ZNF326: variants seen among roughly 807,000 people sequenced by gnomAD.
ZNF326 encodes DBIRD complex subunit ZNF326.
Under a neutral mutation model 63.1 loss-of-function variants are expected in ZNF326, and 30 were observed. That is an observed-to-expected ratio of 0.48 (90% CI 0.36 to 0.64). The LOEUF is 0.64. Among genes scored for constraint, ZNF326 ranks in the 30% least tolerant of loss-of-function variants. The probability of loss-of-function intolerance (pLI) is 0.00; values close to 1 mark genes in which losing one functional copy is unlikely to be tolerated. For missense variants in ZNF326, 609 were observed against 720.3 expected, an observed-to-expected ratio of 0.85 and a Z score of 1.77; for synonymous variants, 194 against 228.2, an observed-to-expected ratio of 0.85 and a Z score of 1.35.
rs761483271 is a variant in ZNF326 at position 89,995,238 on chromosome 1, G to T, written c.-20G>T. ...AGCTCAGCCTAGCGCCGCCAAGGCC[G>T]ACGGCCCTCAGCCTCTGCCATGGAC... On this transcript the variant is annotated 5_prime_UTR_variant, in exon 1 of 12. Coordinates refer to ENST00000340281, the MANE Select transcript of ZNF326 (RefSeq NM_182976.4). 1.9e-6 allele frequency: 3 copies of T among 1,547,542 alleles called. No individual in the cohort carries two copies. Among genetic ancestry groups the T allele is most frequent in the South Asian group, 1.2e-5 (1 of 83,708 alleles).
intron 2 of ZNF326, among the ~76,000 whole-genome samples, chr1:89,998,911 G>T (rs1003584710): frequency 5.9e-5 from 9 of 152,154 alleles, no homozygotes; most frequent in African/African-American, 2.2e-4. Flanking sequence ...TGAAGCAAAT[G>T]TATACTAAAG....
intron 2 of ZNF326, 127 bp from the exon 3 acceptor site, chr1:90,004,876 T>G (rs1648895917): frequency 1.7e-6 from 1 of 593,924 alleles, no homozygotes; most frequent in East Asian, 3.1e-5. Context: ...GCATTTAGTG[T>G]GAATTTAGTT....
rs778878971 is a variant in ZNF326, at chr1:90,020,808, T to A, written c.1191T>A (p.Asp397Glu). 1 of 1,611,080 alleles carries A rather than the reference T, an allele frequency of 6.2e-7. No homozygotes were observed. Among genetic ancestry groups the A allele is most frequent in the Non-Finnish European group, 8.5e-7 (1 of 1,178,618 alleles). The stretch of plus-strand genomic sequence containing the variant: ...CTTTTGTAGGTGTTACTGTAGATGA[T>A]CACATGATGAAGGTAGAGACAGTTC... ...KDVMEGVTVD[D>E]HMMKVETVHC... The change falls in exon 10 of 12, where the codon GAT (aspartate) becomes GAA (glutamate). Residue 397 changes from aspartate (D) to glutamate (E), a missense_variant. By Grantham distance (45) the Asp-to-Glu change is conservative (BLOSUM62 2). Around this residue, in one of 3 missense-constraint regions of ZNF326, gnomAD observed 399 missense variants for 444.3 expected, o/e 0.90. Transcript: ENST00000340281.
In ZNF326 at chr1:90,033,704, T is replaced by C. The variant is rs17130946; in HGVS notation, c.*6003T>C. 672 of 152,188 alleles carry C rather than the reference T, an allele frequency of 4.4e-3. 5 individuals carry two copies. The highest frequency in any genetic ancestry group is 0.016 in the African/African-American group (646 of 41,542). The allele number at this position is 152,188 out of a possible 1,614,324, so 9.4% of individuals were successfully genotyped here. ...AAGAAAAGATAAAAAAGATGGAAGTTACAGTAAAAGACATAGATGTATCTC... is the reference window on the plus strand; with the variant it reads ...AAGAAAAGATAAAAAAGATGGAAGTCACAGTAAAAGACATAGATGTATCTC... On this transcript the variant is annotated 3_prime_UTR_variant, in exon 12 of 12. Coordinates refer to ENST00000340281, the MANE Select transcript of ZNF326 (RefSeq NM_182976.4).
intron 2 of ZNF326, among the ~76,000 whole-genome samples, chr1:90,000,764 G>A (rs1648637836): frequency 6.6e-6 from 1 of 152,198 alleles, no homozygotes. Context: ...TTAGAGTGGT[G>A]AGGTGGAGCC....
At chr1:90,010,987 T>C (rs1040457921) in intron 6 of ZNF326, among the ~76,000 whole-genome samples, 1 of 152,182 alleles carries the variant, frequency 6.6e-6, no homozygotes, top group South Asian at 2.1e-4. Context: ...TAGACTGTTA[T>C]GTATCAAATT....
chr1:90,002,096 T>C (rs1648713435), intron 2 of ZNF326, among the ~76,000 whole-genome samples: 1 of 152,192 alleles, frequency 6.6e-6, no homozygotes, highest in Non-Finnish European at 1.5e-5. Context: ...TTCATTTTGG[T>C]GACCTGGAAG....
At chr1:90,015,807 A>G (rs1174267714) in intron 7 of ZNF326, among the ~76,000 whole-genome samples, 3 of 152,346 alleles carry the variant, frequency 2.0e-5, no homozygotes, top group South Asian at 2.1e-4. Flanking sequence ...GGTAGAGGCC[A>G]TGGCTTGCCA....
intron 1 of ZNF326, among the ~76,000 whole-genome samples, 191 bp from the exon 2 acceptor site, chr1:89,997,919 A>T (rs368027821): frequency 8.5e-5 from 13 of 152,228 alleles, no homozygotes; most frequent in Admixed American, 2.0e-4. Context: ...TTGGGGAGAT[A>T]GTGAAGAAAA....
chr1:90,000,470 A>G (rs558428579), intron 2 of ZNF326, among the ~76,000 whole-genome samples: 1 of 152,288 alleles, frequency 6.6e-6, no homozygotes, highest in African/African-American at 2.4e-5. Context: ...AGCCTGAGGT[A>G]GGAGCACTGC....
chr1:90,014,989 GAT>G (rs1649433345), intron 7 of ZNF326, among the ~76,000 whole-genome samples: 2 of 152,068 alleles, frequency 1.3e-5, no homozygotes. Context: ...ATAAAATTGT[GAT>G]ATAGAGAAAA....
chr1:90,005,219 C>T lies in ZNF326; in HGVS notation c.184C>T (p.His62Tyr). The change falls in exon 4 of 12, where the codon CAC becomes TAC. Residue 62 changes from histidine (H) to tyrosine (Y), a missense_variant. Around this residue, in one of 3 missense-constraint regions of ZNF326, gnomAD observed 97 missense variants for 88.7 expected, o/e 1.09. Coordinates refer to ENST00000340281, the MANE Select transcript of ZNF326 (RefSeq NM_182976.4). ...YLNQSYGMDN[H>Y]SGGGGGSRFG... is the part of the protein sequence containing the mutation. ...AAACCAGTCATATGGCATGGACAAT[C>T]ACAGTGGTGGTGGTGGGGGTAGCAG... is the stretch of plus-strand genomic sequence containing the variant. 1 of 1,613,848 alleles carries T rather than the reference C, an allele frequency of 6.2e-7. No individual in the cohort carries two copies. The highest frequency in any genetic ancestry group is 1.1e-5 in the South Asian group (1 of 91,040).
chr1:90,013,385 T>TGGA, intron 7 of ZNF326, 148 bp downstream of exon 7: 1 of 598,434 alleles, frequency 1.7e-6, no homozygotes, highest in Non-Finnish European at 2.7e-6. Flanking sequence ...GTTTTTGATA[T>TGGA]TTATATGTAA....
At chr1:89,998,078 C>G (rs769285401) in intron 1 of ZNF326, 32 bp from the exon 2 acceptor site, 2 of 1,593,836 alleles carry the variant, frequency 1.3e-6, no homozygotes, top group Admixed American at 3.4e-5. Context: ...TAATATCACA[C>G]TAATTCCTTT....
rs1006462479 is a variant in ZNF326 at position 90,028,222 on chromosome 1, G to A, written c.*521G>A. 3 of 153,260 alleles carry A rather than the reference G, an allele frequency of 2.0e-5. No homozygotes were observed. The highest frequency in any genetic ancestry group is 7.2e-5 in the African/African-American group (3 of 41,386). The allele number at this position is 153,260 out of a possible 1,614,324, so 9.5% of individuals were successfully genotyped here. A position where few individuals can be genotyped will look rare whatever the true frequency, so the allele number is the denominator to read the frequency against. On this transcript the variant is annotated 3_prime_UTR_variant, in exon 12 of 12. Transcript: ENST00000340281. ...TTTGTAGCAATAAAATGTTTTTTAC[G>A]AAAACTTTCTCCCTGGATTAGCAGT...
Position 90,033,261 on chromosome 1 carries a change from A to G in ZNF326, c.*5560A>G, listed in dbSNP as rs1650349771. ...TTGGGCCTTAAAGCCTACCCTTTAT[A>G]TAAAAAGTTTGTTGACTCCTAGGCT... On this transcript the variant is annotated 3_prime_UTR_variant, in exon 12 of 12. Coordinates refer to ENST00000340281, the MANE Select transcript of ZNF326 (RefSeq NM_182976.4). The G allele has an allele frequency of 6.6e-6, 1 of 152,174 alleles. No homozygotes were observed. The highest frequency in any genetic ancestry group is 1.5e-5 in the Non-Finnish European group (1 of 68,022). The allele number at this position is 152,174 out of a possible 1,614,324, so 9.4% of individuals were successfully genotyped here.
At chr1:90,022,520 A>G (rs1570319645) in intron 11 of ZNF326, among the ~76,000 whole-genome samples, 175 bp downstream of exon 11, 2 of 152,160 alleles carry the variant, frequency 1.3e-5, no homozygotes, top group East Asian at 3.8e-4. Context: ...GTTGGTCAAG[A>G]TGGGAGCAGT....
At chr1:90,013,301 A>G (rs1649343367) in intron 7 of ZNF326, 64 bp downstream of exon 7, 7 of 1,187,298 alleles carry the variant, frequency 5.9e-6, no homozygotes, top group Non-Finnish European at 8.1e-6. Flanking sequence ...AAGCCAACAC[A>G]TCAATTGTAA....
At chr1:90,027,241 G>A (rs1570325007) in intron 11 of ZNF326, 113 bp from the exon 12 acceptor site, 1 of 962,944 alleles carries the variant, frequency 1.0e-6, no homozygotes, top group East Asian at 2.4e-5. Flanking sequence ...AATTTACAAT[G>A]AAAAGTTTCA....
Sources: gnomAD v4.1 joint callset for allele counts (sites outside exome capture counted in the v4.1 genomes callset) on GRCh38, gnomAD v4.1.1 for gene constraint, gnomAD v4.1.1 regional missense constraint, MANE v1.5 for transcripts, NCBI Gene and HGNC (gene_info 2026-07-23, HGNC 2026-07-21) for gene names.